CEP170: variants seen among roughly 807,000 people sequenced by gnomAD.
The protein encoded by CEP170 is centrosomal protein 170.
A neutral mutation model predicts 151.9 loss-of-function variants in CEP170; 21 were observed. That is an observed-to-expected ratio of 0.14 (90% CI 0.10 to 0.20). CEP170 has a LOEUF of 0.20. Among genes scored for constraint, CEP170 ranks in the 10% least tolerant of loss-of-function variants. The pLI is 1.00. For synonymous variants in CEP170, 356 were observed against 648.8 expected, an observed-to-expected ratio of 0.55 and a Z score of 6.86; for missense variants, 964 against 1,892.9, an observed-to-expected ratio of 0.51 and a Z score of 9.11.
rs1488394371 is a variant in CEP170 at position 243,125,085 on chromosome 1, T to C, written c.*1364A>G. 6.6e-6 allele frequency: 1 copy of C among 152,144 alleles called. No individual in the cohort carries two copies. Among genetic ancestry groups the C allele is most frequent in the Non-Finnish European group, 1.5e-5 (1 of 67,996 alleles). The allele number at this position is 152,144 out of a possible 1,614,324, so 9.4% of individuals were successfully genotyped here. ...TGTGGAAATATTAAAGACCATTTCATAAAAGTTGCAGTTTAACCTTTATAG... is the reference window on the plus strand; with the variant it reads ...TGTGGAAATATTAAAGACCATTTCACAAAAGTTGCAGTTTAACCTTTATAG... On this transcript the variant is annotated 3_prime_UTR_variant, in exon 20 of 20. Coordinates refer to ENST00000366542, the MANE Select transcript of CEP170 (RefSeq NM_014812.3).
At chr1:243,147,876 G>T (rs555920767) in intron 14 of CEP170, among the ~76,000 whole-genome samples, 1 of 152,080 alleles carries the variant, frequency 6.6e-6, no homozygotes, top group Admixed American at 6.6e-5. Flanking sequence ...TAACGAGCTA[G>T]GTATCTTTTA....
At chr1:243,241,511 C>T (rs1024164183) in intron 1 of CEP170, among the ~76,000 whole-genome samples, 9 of 151,898 alleles carry the variant, frequency 5.9e-5, no homozygotes, top group Admixed American at 1.3e-4. Context: ...AAATGTAGGC[C>T]GGGAGTGGTG....
intron 3 of CEP170, among the ~76,000 whole-genome samples, chr1:243,214,571 C>T (rs942457477): frequency 1.5e-5 from 2 of 132,498 alleles, no homozygotes; most frequent in African/African-American, 5.0e-5. Flanking sequence ...CAGGGGTGAG[C>T]TACTGCGCCC....
intron 7 of CEP170, among the ~76,000 whole-genome samples, chr1:243,194,794 A>G (rs1182122560): frequency 6.6e-6 from 1 of 151,918 alleles, no homozygotes; most frequent in African/African-American, 2.4e-5. Context: ...ACTAAATAAT[A>G]GAGTAAATAC....
intron 1 of CEP170, chr1:243,254,433 G>C (rs1402179883): frequency 6.6e-6 from 1 of 152,252 alleles, no homozygotes; most frequent in Non-Finnish European, 1.5e-5. Context: ...CAGAGCCAGA[G>C]CCTCCACGGG....
chr1:243,219,767 C>A (rs962975859), intron 3 of CEP170, among the ~76,000 whole-genome samples: 3 of 152,192 alleles, frequency 2.0e-5, no homozygotes, highest in Non-Finnish European at 4.4e-5. Context: ...ACTATAAATT[C>A]TTCAAGTAGA....
chr1:243,178,307 T>TC (rs2059385676), intron 10 of CEP170, among the ~76,000 whole-genome samples: 1 of 22,490 alleles, frequency 4.4e-5, no homozygotes, highest in African/African-American at 1.6e-4. Flanking sequence ...AGACTCTGCC[T>TC]CAAAAAAAAA....
chr1:243,139,001 A>T (rs2055476168), intron 16 of CEP170, among the ~76,000 whole-genome samples: 1 of 152,180 alleles, frequency 6.6e-6, no homozygotes, highest in African/African-American at 2.4e-5. Context: ...CATGTCAACA[A>T]TTGAATGATT....
intron 4 of CEP170, among the ~76,000 whole-genome samples, chr1:243,209,519 C>T (rs540194408): frequency 1.4e-3 from 214 of 152,238 alleles, no homozygotes; most frequent in African/African-American, 4.5e-3. Flanking sequence ...TAGTTTTCCT[C>T]TCCAAAGTAT....
rs1477858970 is a variant in CEP170 at position 243,165,954 on chromosome 1, A to G, written c.2006T>C (p.Ile669Thr). The part of the protein sequence containing the change: ...RAKVVTQRSE[I>T]GEKQDTELQE... ...AAGTTCTGTGTCTTGTTTTTCTCCT[A>G]TCTCTGACCTCTGTGTTACAACCTT... is the stretch of plus-strand genomic sequence containing the variant. The change falls in exon 13 of 20, where the codon ATA (isoleucine) becomes ACA (threonine). Residue 669 changes from isoleucine to threonine, a missense_variant. Ile to Thr is a moderately conservative substitution (Grantham distance 89, BLOSUM62 -1). Transcript: ENST00000366542. The G allele has an allele frequency of 4.3e-6, 7 of 1,613,380 alleles. No homozygotes were observed. Among genetic ancestry groups the G allele is most frequent in the African/African-American group, 2.7e-5 (2 of 74,834 alleles).
intron 4 of CEP170, among the ~76,000 whole-genome samples, chr1:243,203,699 TATA>T (rs537184535): frequency 6.6e-6 from 1 of 152,108 alleles, no homozygotes; most frequent in Non-Finnish European, 1.5e-5. Context: ...TAAAAAAACA[TATA>T]ATAAGGCTAT....
At chr1:243,168,558 C>T (rs1323934602) in intron 12 of CEP170, 2 of 151,878 alleles carry the variant, frequency 1.3e-5, no homozygotes, top group Non-Finnish European at 2.9e-5. Context: ...ATATTCATCA[C>T]CTCAAAGAGT....
chr1:243,242,928 G>A (rs549267643), intron 1 of CEP170, among the ~76,000 whole-genome samples: 3 of 151,982 alleles, frequency 2.0e-5, no homozygotes, highest in African/African-American at 7.2e-5. Context: ...TCCAACTCCC[G>A]ACCTCCGGTG....
intron 15 of CEP170, 77 bp from the exon 16 acceptor site, chr1:243,140,184 G>A (rs2787238): frequency 7.8e-6 from 12 of 1,539,774 alleles, no homozygotes; most frequent in Middle Eastern, 1.7e-4. Flanking sequence ...CAATTTTTAT[G>A]ATTAGACAGA....
chr1:243,199,562 G>C (rs2060887986), intron 6 of CEP170, among the ~76,000 whole-genome samples: 1 of 152,042 alleles, frequency 6.6e-6, no homozygotes, highest in Admixed American at 6.6e-5. Flanking sequence ...GTTGAAACTA[G>C]ACAATAATCA....
chr1:243,157,999 G>A lies in CEP170; in HGVS notation c.3677-1544C>T, dbSNP rs981600069. On this transcript the variant is annotated intron_variant, in intron 13 of 19. Coordinates refer to ENST00000366542, the MANE Select transcript of CEP170 (RefSeq NM_014812.3). Reference sequence around the variant, plus strand: ...ATTAGTCATAGACCTTTTTTGAGGAGCTTAAATATAATTTCTGATTTTAAC... The same window carrying A: ...ATTAGTCATAGACCTTTTTTGAGGAACTTAAATATAATTTCTGATTTTAAC... Among the ~76,000 whole-genome samples the A allele has an allele frequency of 8.7e-4, 133 of 152,188 alleles. 1 individual carries two copies. The highest frequency in any genetic ancestry group is 3.0e-3 in the African/African-American group (125 of 41,512).
intron 16 of CEP170, among the ~76,000 whole-genome samples, chr1:243,139,195 G>A (rs1337346406): frequency 2.6e-5 from 4 of 151,280 alleles, no homozygotes; most frequent in African/African-American, 4.8e-5. Context: ...TCTGCCTCCC[G>A]GGTTCAAGTG....
chr1:243,187,338 T>C (rs1274215210), intron 8 of CEP170, among the ~76,000 whole-genome samples: 1 of 152,244 alleles, frequency 6.6e-6, no homozygotes, highest in Non-Finnish European at 1.5e-5. Flanking sequence ...AATTATTTTT[T>C]TCCTGATTTA....
At chr1:243,146,680 A>C (rs1461432196) in intron 14 of CEP170, among the ~76,000 whole-genome samples, 12 of 151,806 alleles carry the variant, frequency 7.9e-5, no homozygotes, top group Non-Finnish European at 1.0e-4. Context: ...AAAAAAAAAA[A>C]ACCCGAGATA....
Sources: gnomAD v4.1 joint callset for allele counts (sites outside exome capture counted in the v4.1 genomes callset) on GRCh38, gnomAD v4.1.1 for gene constraint, MANE v1.5 for transcripts, NCBI Gene and HGNC (gene_info 2026-07-23, HGNC 2026-07-21) for gene names.